The following ITM2C variants were observed in gnomAD, a reference collection of about 807,000 sequenced individuals.
ITM2C encodes the protein integral membrane protein 2C.
In ITM2C, 20 loss-of-function variants were observed where a neutral mutation model predicts 30.0. That is an observed-to-expected ratio of 0.67 (90% confidence interval 0.47 to 0.97). The LOEUF (loss-of-function observed/expected upper bound fraction) is 0.97, where lower values mean the gene tolerates loss of function less well. ITM2C is among the 50% of genes least tolerant of loss of function. The pLI, the probability that ITM2C is intolerant of heterozygous loss-of-function variation, is 0.00. For missense variants in ITM2C, 366 were observed against 371.9 expected (o/e 0.98, Z 0.13); for synonymous variants, 167 against 156.4 (o/e 1.07, Z -0.51).
intron 2 of ITM2C, among the ~76,000 whole-genome samples, chr2:230,874,093 G>A (rs1697232375): frequency 6.6e-6 from 1 of 151,880 alleles, no homozygotes; most frequent in South Asian, 2.1e-4. Flanking sequence ...CCCAGACCTG[G>A]GAGGGAGGGA....
chr2:230,875,932 G>A lies in ITM2C; in HGVS notation c.450+124G>A. ...AGGTGTCTACGGTTAGGCTTACCAGGGTCTTCAAGACACTGCTTTTCTCCT... is the reference window on the plus strand; with the variant it reads ...AGGTGTCTACGGTTAGGCTTACCAGAGTCTTCAAGACACTGCTTTTCTCCT... On this transcript the variant is annotated intron_variant, in intron 3 of 5. Coordinates refer to ENST00000326427, the MANE Select transcript of ITM2C (RefSeq NM_030926.6). 5.2e-6 allele frequency: 4 copies of A among 764,450 alleles called. No homozygotes were observed. In the South Asian group the frequency reaches 7.3e-5, roughly 14 times the overall value. The allele number at this position is 764,450 out of a possible 1,614,324, so 47.4% of individuals were successfully genotyped here.
chr2:230,865,142 T>A lies in ITM2C; in HGVS notation c.117T>A (p.Ala39=). Residue 39 remains alanine (A), a synonymous_variant, in exon 1 of 6, where the codon GCT becomes GCA. Coordinates refer to ENST00000326427, the MANE Select transcript of ITM2C (RefSeq NM_030926.6). This position sits in a 1 kb window ranked among gnomAD's most constrained non-coding sequence, Gnocchi z 6.8. ...ASATEILLTP[A]REEQPPQHRS... is the part of the protein sequence containing the mutation. ...CCACCGAGATCCTGCTGACGCCGGC[T>A]AGGGTGAGAGGGTCTGGGGCTCAGG... 1 of 1,476,382 alleles carries A rather than the reference T, an allele frequency of 6.8e-7. No individual in the cohort carries two copies. The allele number at this position is 1,476,382 out of a possible 1,614,324, so 91.5% of individuals were successfully genotyped here. A position where few individuals can be genotyped will look rare whatever the true frequency, so the allele number is the denominator to read the frequency against.
At chr2:230,871,851 G>T (rs2125019054) in intron 1 of ITM2C, among the ~76,000 whole-genome samples, 1 of 152,336 alleles carries the variant, frequency 6.6e-6, no homozygotes, top group Non-Finnish European at 1.5e-5. Context: ...CAGACCCTCA[G>T]CTCCCCAGGG....
intron 2 of ITM2C, 125 bp from the exon 3 acceptor site, chr2:230,875,495 C>A: frequency 1.3e-6 from 1 of 799,732 alleles, no homozygotes; most frequent in Non-Finnish European, 2.0e-6. Context: ...GTCTCACAGT[C>A]CCTGCTCTTC....
intron 1 of ITM2C, among the ~76,000 whole-genome samples, chr2:230,866,396 G>A (rs1697029843): frequency 6.6e-6 from 1 of 152,206 alleles, no homozygotes; most frequent in Non-Finnish European, 1.5e-5. Context: ...GGATGACCTG[G>A]ACCCTGGAGG....
intron 3 of ITM2C, 134 bp from the exon 4 acceptor site, chr2:230,876,723 G>T (rs541222662): frequency 3.3e-6 from 2 of 601,266 alleles, no homozygotes; most frequent in Non-Finnish European, 6.0e-6. Flanking sequence ...CCTTTGATCC[G>T]CCCGCCTCAG....
chr2:230,876,154 C>G (rs1196075651), intron 3 of ITM2C, among the ~76,000 whole-genome samples: 1 of 152,122 alleles, frequency 6.6e-6, no homozygotes, highest in African/African-American at 2.4e-5. Flanking sequence ...CATGTAACCC[C>G]CATGGGTCCT....
At chr2:230,874,735 C>A (rs2125022621) in intron 2 of ITM2C, among the ~76,000 whole-genome samples, 1 of 152,352 alleles carries the variant, frequency 6.6e-6, no homozygotes, top group Admixed American at 6.5e-5. Flanking sequence ...CGGTGGAATC[C>A]TGCCGATCCC....
intron 1 of ITM2C, among the ~76,000 whole-genome samples, chr2:230,868,882 G>A (rs979700055): frequency 9.9e-5 from 15 of 152,222 alleles, no homozygotes; most frequent in African/African-American, 2.2e-4. Flanking sequence ...CTGTGGCAGC[G>A]TGGGGACTTT....
intron 1 of ITM2C, among the ~76,000 whole-genome samples, chr2:230,872,387 G>A (rs1697188162): frequency 6.6e-6 from 1 of 152,182 alleles, no homozygotes; most frequent in African/African-American, 2.4e-5. Context: ...ACAGGAAATT[G>A]ACCAAGCTCA....
At chr2:230,872,352 G>T (rs1252251680) in intron 1 of ITM2C, among the ~76,000 whole-genome samples, 1 of 152,232 alleles carries the variant, frequency 6.6e-6, no homozygotes, top group Non-Finnish European at 1.5e-5. Context: ...CCGGGGGAAG[G>T]CATAGGAGGT....
rs1559159674 is a variant in ITM2C at position 230,878,062 on chromosome 2, CCTT to C, written c.769_771del (p.Phe257del). ...AATGCCATCCGCCACTTCGAGAACA[CCTT>C]CGTGGTGGAGACGCTCATCTGCGGG... On this transcript the variant is annotated inframe_deletion, in exon 6 of 6. Transcript: ENST00000326427. This position sits in a 1 kb window ranked among gnomAD's most constrained non-coding sequence, Gnocchi z 4.5. The C allele has an allele frequency of 6.2e-7, 1 of 1,605,750 alleles. No homozygotes were observed. The highest frequency in any genetic ancestry group is 2.2e-5 in the East Asian group (1 of 44,584).
chr2:230,877,924 C>A lies in ITM2C; in HGVS notation c.713-84C>A. The A allele has an allele frequency of 9.2e-7, 1 of 1,085,356 alleles. No individual in the cohort carries two copies. The allele number at this position is 1,085,356 out of a possible 1,614,324, so 67.2% of individuals were successfully genotyped here. On this transcript the variant is annotated intron_variant, in intron 5 of 5. Coordinates refer to ENST00000326427, the MANE Select transcript of ITM2C (RefSeq NM_030926.6). This position sits in a 1 kb window ranked among gnomAD's most constrained non-coding sequence, Gnocchi z 4.8. ...GGGTGAATGGTGTCACTTCCTGGCC[C>A]TCCTGTGGCTCAGGCTGAGGCTGGT...
rs773790247 is a variant in ITM2C at position 230,876,815 on chromosome 2, G to A, written c.451-42G>A. ...TCTTGCAGCCCTGCCTGGGTCAGCT[G>A]TCACCTCCTGCAGAGACTGACCCAA... On this transcript the variant is annotated intron_variant, in intron 3 of 5. Transcript: ENST00000326427. 9.4e-6 allele frequency: 13 copies of A among 1,387,066 alleles called. No homozygotes were observed. The Admixed American group carries it at 1.5e-4, about 16-fold the overall frequency. The allele number at this position is 1,387,066 out of a possible 1,614,324, so 85.9% of individuals were successfully genotyped here. A position where few individuals can be genotyped will look rare whatever the true frequency, so the allele number is the denominator to read the frequency against.
chr2:230,871,044 A>G (rs1697152774), intron 1 of ITM2C, among the ~76,000 whole-genome samples: 1 of 152,244 alleles, frequency 6.6e-6, no homozygotes, highest in African/African-American at 2.4e-5. Flanking sequence ...ATTTTTATCT[A>G]GCACTTGATC....
intron 3 of ITM2C, 58 bp from the exon 4 acceptor site, chr2:230,876,799 C>G: frequency 2.5e-6 from 3 of 1,216,014 alleles, no homozygotes; most frequent in Non-Finnish European, 3.6e-6. Context: ...TTCTTGCAGC[C>G]CTGCCTGGGT....
At chr2:230,876,533 G>A (rs890944008) in intron 3 of ITM2C, among the ~76,000 whole-genome samples, 2 of 152,068 alleles carry the variant, frequency 1.3e-5, no homozygotes, top group Admixed American at 1.3e-4. Flanking sequence ...CCAGGCTGGA[G>A]TGCAGTGGCA....
intron 1 of ITM2C, among the ~76,000 whole-genome samples, chr2:230,872,999 C>T (rs1252647952): frequency 6.6e-6 from 1 of 152,156 alleles, no homozygotes; most frequent in African/African-American, 2.4e-5. Context: ...TCAATTCCTA[C>T]AGAGATTTCT....
Position 230,877,520 on chromosome 2 carries a change from T to C in ITM2C, c.682T>C (p.Tyr228His), listed in dbSNP as rs1249539324. Residue 228 changes from tyrosine (Y) to histidine (H), a missense_variant, in exon 5 of 6, where the codon TAC (tyrosine) becomes CAC (histidine). Coordinates refer to ENST00000326427, the MANE Select transcript of ITM2C (RefSeq NM_030926.6). This position sits in a 1 kb window ranked among gnomAD's most constrained non-coding sequence, Gnocchi z 4.8. ...CCACCTGTGCAACGGGAAAGACACC[T>C]ACCGGCTCCGGCGCCGGGCAACGCG... is the stretch of plus-strand genomic sequence containing the variant. ...IYHLCNGKDT[Y>H]RLRRRATRRR... 1.2e-6 allele frequency: 2 copies of C among 1,613,760 alleles called. No individual in the cohort carries two copies. Among genetic ancestry groups the C allele is most frequent in the Non-Finnish European group, 1.7e-6 (2 of 1,180,022 alleles).
Sources: gnomAD v4.1 joint callset for allele counts (sites outside exome capture counted in the v4.1 genomes callset) on GRCh38, gnomAD v4.1.1 for gene constraint, Gnocchi (gnomAD v3.1) non-coding constraint, MANE v1.5 for transcripts, NCBI Gene and HGNC (gene_info 2026-07-23, HGNC 2026-07-21) for gene names.